The following ABHD12B variants were observed in gnomAD, a reference collection of about 807,000 sequenced individuals.
ABHD12B encodes protein ABHD12B.
A neutral mutation model predicts 50.4 loss-of-function variants in ABHD12B; 42 were observed. That is an observed-to-expected ratio of 0.83 (90% CI 0.65 to 1.08). The LOEUF (loss-of-function observed/expected upper bound fraction) is 1.08, where lower values mean the gene tolerates loss of function less well. Among genes scored for constraint, ABHD12B ranks in the 50% least tolerant of loss-of-function variants. The probability of loss-of-function intolerance (pLI) is 0.00; values close to 1 mark genes in which losing one functional copy is unlikely to be tolerated. For missense variants in ABHD12B, 479 were observed against 447.7 expected, an observed-to-expected ratio of 1.07 and a Z score of -0.63; for synonymous variants, 167 against 160.3, an observed-to-expected ratio of 1.04 and a Z score of -0.32.
At chr14:50,893,868 A>G (rs527305369) in intron 9 of ABHD12B, 3 of 152,414 alleles carry the variant, frequency 2.0e-5, no homozygotes, top group East Asian at 3.9e-4. Context: ...CTTAATTTCA[A>G]TTCCTTTCAT....
intron 5 of ABHD12B, among the ~76,000 whole-genome samples, chr14:50,884,696 T>TTTC (rs1306953394): frequency 2.8e-4 from 2 of 7,162 alleles, no homozygotes; most frequent in African/African-American, 3.4e-4. Flanking sequence ...TATGATTGTA[T>TTTC]TTCTTCTTTT....
In ABHD12B at chr14:50,901,939, T is replaced by C. The variant is rs1401116870; in HGVS notation, c.863+28T>C. ...AAGTTAATGATGAAAAGACATGCAT[T>C]ATTACTGTATCTAAAGGATTCTAGG... On this transcript the variant is annotated intron_variant, in intron 10 of 12. Transcript: ENST00000337334. 3.4e-6 allele frequency: 5 copies of C among 1,460,060 alleles called. No homozygotes were observed. In the Admixed American group the frequency reaches 8.5e-5, roughly 25 times the overall value. The allele number at this position is 1,460,060 out of a possible 1,614,324, so 90.4% of individuals were successfully genotyped here.
At chr14:50,881,141 T>C (rs1272218871) in intron 4 of ABHD12B, among the ~76,000 whole-genome samples, 3 of 152,264 alleles carry the variant, frequency 2.0e-5, no homozygotes, top group African/African-American at 7.2e-5. Flanking sequence ...CTCCCAGGAG[T>C]CTGGCTCCCC....
chr14:50,883,808 G>A (rs1352804855), intron 5 of ABHD12B, among the ~76,000 whole-genome samples: 7 of 152,188 alleles, frequency 4.6e-5, no homozygotes, highest in Non-Finnish European at 1.0e-4. Flanking sequence ...CCTCTGGATA[G>A]GTGATTTCTT....
intron 3 of ABHD12B, among the ~76,000 whole-genome samples, 183 bp from the exon 4 acceptor site, chr14:50,880,269 G>A (rs1427767296): frequency 6.6e-6 from 1 of 152,172 alleles, no homozygotes; most frequent in Non-Finnish European, 1.5e-5. Context: ...ACATGGGGTA[G>A]GGCAGTTGTG....
intron 9 of ABHD12B, chr14:50,892,414 G>A (rs2050131762): frequency 1.0e-6 from 1 of 985,410 alleles, no homozygotes; most frequent in Non-Finnish European, 1.2e-6. Context: ...CCTGATTCAG[G>A]CGGGGTGCTA....
intron 2 of ABHD12B, 57 bp downstream of exon 2, chr14:50,878,136 A>G (rs2049889278): frequency 1.9e-5 from 26 of 1,398,386 alleles, no homozygotes; most frequent in Non-Finnish European, 1.8e-5. Flanking sequence ...TAAAGACCTC[A>G]GTACCCTTAA....
chr14:50,896,052 C>T (rs900925483), intron 9 of ABHD12B, among the ~76,000 whole-genome samples: 2 of 152,212 alleles, frequency 1.3e-5, no homozygotes, highest in South Asian at 2.1e-4. Flanking sequence ...TCTTGTATCC[C>T]CCGACCTTAA....
rs2050041178 is a variant in ABHD12B at position 50,886,593 on chromosome 14, TGC to T, written c.663-53_663-52del. On this transcript the variant is annotated intron_variant, in intron 7 of 12. Transcript: ENST00000337334. ...TTTATCAGATGCTCATACCAGAAGT[TGC>T]ATTTTGTACTGTTATTGCTTAACAC... 21 of 1,540,080 alleles carry T rather than the reference TGC, an allele frequency of 1.4e-5. No homozygotes were observed. The South Asian group carries it at 2.1e-4, about 15-fold the overall frequency.
intron 9 of ABHD12B, among the ~76,000 whole-genome samples, chr14:50,896,064 C>T (rs1330030734): frequency 6.6e-6 from 1 of 152,058 alleles, no homozygotes; most frequent in East Asian, 1.9e-4. Flanking sequence ...CGACCTTAAC[C>T]CACAAGTATA....
chr14:50,903,827 C>T (rs1243107283), intron 11 of ABHD12B, among the ~76,000 whole-genome samples: 1 of 152,112 alleles, frequency 6.6e-6, no homozygotes, highest in Admixed American at 6.5e-5. Context: ...CATAACAATT[C>T]CTTGGCATTT....
At chr14:50,904,215 T>C in intron 12 of ABHD12B, 23 bp downstream of exon 12, 2 of 1,613,402 alleles carry the variant, frequency 1.2e-6, no homozygotes, top group Non-Finnish European at 8.5e-7. Flanking sequence ...TTGCTAAATG[T>C]ATGTTGCCCT....
At position 50,872,119 on chromosome 14, in the gene ABHD12B, G is replaced by T; in HGVS notation, c.-56G>T. ...CGCCGGGGCGGGAAGGTCGCGGGCG[G>T]CTGCTCCGGACTGCAGCTCCCGCGG... is the stretch of plus-strand genomic sequence containing the variant. On this transcript the variant is annotated 5_prime_UTR_variant, in exon 1 of 13. Transcript: ENST00000337334. 1 of 1,180,640 alleles carries T rather than the reference G, an allele frequency of 8.5e-7. No homozygotes were observed. Among genetic ancestry groups the T allele is most frequent in the Non-Finnish European group, 1.1e-6 (1 of 946,798 alleles). The allele number at this position is 1,180,640 out of a possible 1,614,324, so 73.1% of individuals were successfully genotyped here.
chr14:50,879,603 G>A (rs538988854), intron 3 of ABHD12B, among the ~76,000 whole-genome samples: 1 of 152,340 alleles, frequency 6.6e-6, no homozygotes, highest in South Asian at 2.1e-4. Context: ...ATCTCCCTGA[G>A]TTCAAACCTT....
chr14:50,897,466 A>G (rs1179258904), intron 9 of ABHD12B, among the ~76,000 whole-genome samples: 1 of 152,232 alleles, frequency 6.6e-6, no homozygotes, highest in East Asian at 1.9e-4. Flanking sequence ...CTTGACTTAA[A>G]GTCAACTTTG....
intron 5 of ABHD12B, among the ~76,000 whole-genome samples, chr14:50,882,973 CAA>C (rs10648046): frequency 9.7e-5 from 11 of 112,874 alleles, no homozygotes; most frequent in Admixed American, 1.9e-4. Flanking sequence ...GACCCTGACT[CAA>C]AAAAAAAAAA....
At chr14:50,872,356 C>A in intron 1 of ABHD12B, 78 bp downstream of exon 1, 2 of 1,040,634 alleles carry the variant, frequency 1.9e-6, no homozygotes, top group Non-Finnish European at 2.5e-6. Flanking sequence ...GGCCAGGGCG[C>A]GGCCGAGGCC....
At chr14:50,894,157 T>G (rs1441634206) in intron 9 of ABHD12B, among the ~76,000 whole-genome samples, 3 of 138,756 alleles carry the variant, frequency 2.2e-5, no homozygotes, top group African/African-American at 3.4e-5. Flanking sequence ...GAGGGGCAAG[T>G]ACCCCTCAAC....
chr14:50,902,146 C>T (rs2050266990), intron 10 of ABHD12B, among the ~76,000 whole-genome samples: 2 of 152,184 alleles, frequency 1.3e-5, no homozygotes, highest in African/African-American at 4.8e-5. Flanking sequence ...TCAGTACTCT[C>T]TCTGAATTCA....
Sources: gnomAD v4.1 joint callset for allele counts (sites outside exome capture counted in the v4.1 genomes callset) on GRCh38, gnomAD v4.1.1 for gene constraint, MANE v1.5 for transcripts, NCBI Gene and HGNC (gene_info 2026-07-23, HGNC 2026-07-21) for gene names.